Variants in SLC4A5 observed in about 807,000 individuals in gnomAD.
SLC4A5 encodes electrogenic sodium bicarbonate cotransporter 4.
Under a neutral mutation model 120.4 loss-of-function variants are expected in SLC4A5, and 96 were observed. The observed-to-expected ratio is 0.80, with a 90% CI of 0.68 to 0.94. SLC4A5 has a LOEUF of 0.94. SLC4A5 is among the 40% of genes least tolerant of loss of function. The pLI is 0.00. For synonymous variants in SLC4A5, 550 were observed against 571.1 expected, an observed-to-expected ratio of 0.96 and a Z score of 0.53; for missense variants, 1,259 against 1,459.5, an observed-to-expected ratio of 0.86 and a Z score of 2.24.
chr2:74,251,581 T>C (rs2103989837), intron 16 of SLC4A5, among the ~76,000 whole-genome samples: 1 of 152,342 alleles, frequency 6.6e-6, no homozygotes, highest in East Asian at 1.9e-4. Flanking sequence ...GTAACACCTA[T>C]GCAAATGTAA....
chr2:74,305,593 G>A (rs1192016798), intron 6 of SLC4A5, among the ~76,000 whole-genome samples: 2 of 151,866 alleles, frequency 1.3e-5, no homozygotes, highest in African/African-American at 4.8e-5. Context: ...TACTTCTATG[G>A]GTTTTGACAA....
chr2:74,238,121 A>T (rs977933449), intron 21 of SLC4A5, among the ~76,000 whole-genome samples: 1 of 152,020 alleles, frequency 6.6e-6, no homozygotes, highest in Admixed American at 6.6e-5. Context: ...AATAATAATA[A>T]AATAATAATA....
chr2:74,241,915 G>T, intron 20 of SLC4A5, 79 bp downstream of exon 20: 2 of 1,387,288 alleles, frequency 1.4e-6, no homozygotes, highest in African/African-American at 1.4e-5. Flanking sequence ...CCATAAGTTG[G>T]TCTCATTTCC....
chr2:74,272,081 AAAAG>A (rs1458493958), intron 8 of SLC4A5, among the ~76,000 whole-genome samples: 2 of 152,198 alleles, frequency 1.3e-5, no homozygotes, highest in Admixed American at 1.3e-4. Context: ...CCTATCTCTA[AAAAG>A]AAAGAAAGAG....
At chr2:74,317,631 T>A (rs578174338) in intron 5 of SLC4A5, among the ~76,000 whole-genome samples, 37 of 152,204 alleles carry the variant, frequency 2.4e-4, no homozygotes, top group African/African-American at 7.9e-4. Flanking sequence ...GGACAGAAGA[T>A]CCCTGGACAG....
At chr2:74,329,738 G>A (rs1187706465) in intron 4 of SLC4A5, among the ~76,000 whole-genome samples, 1 of 151,734 alleles carries the variant, frequency 6.6e-6, no homozygotes, top group Non-Finnish European at 1.5e-5. Flanking sequence ...GGTATAGATG[G>A]AGGTTCTGAG....
At chr2:74,274,121 AC>A (rs1671564489) in intron 8 of SLC4A5, among the ~76,000 whole-genome samples, 1 of 152,094 alleles carries the variant, frequency 6.6e-6, no homozygotes, top group Non-Finnish European at 1.5e-5. Context: ...AATCTATCTC[AC>A]GAGGTAGGTC....
rs867870463 is a variant in SLC4A5 at position 74,235,390 on chromosome 2, G to A, written c.2320-176C>T. Among the ~76,000 whole-genome samples, 64 of 152,146 alleles carry A rather than the reference G, an allele frequency of 4.2e-4. 1 individual carries two copies. Among genetic ancestry groups the A allele is most frequent in the Admixed American group, 6.5e-4 (10 of 15,280 alleles). On this transcript the variant is annotated intron_variant, in intron 21 of 30. Coordinates refer to ENST00000394019, the Ensembl canonical transcript of SLC4A5. Reference sequence around the variant, plus strand: ...GCTAACTGTGTGAGCTTGGGGAAGCGTGTCATCTCTCCAAGACTCAATTTC... The same window carrying A: ...GCTAACTGTGTGAGCTTGGGGAAGCATGTCATCTCTCCAAGACTCAATTTC...
At chr2:74,318,852 G>A (rs1488711679) in intron 5 of SLC4A5, among the ~76,000 whole-genome samples, 1 of 152,072 alleles carries the variant, frequency 6.6e-6, no homozygotes, top group Non-Finnish European at 1.5e-5. Flanking sequence ...CCCACTGCTG[G>A]TATATGCCCA....
intron 22 of SLC4A5, 135 bp from the exon 23 acceptor site, chr2:74,233,698 C>A (rs1670175093): frequency 2.0e-6 from 2 of 1,019,718 alleles, no homozygotes; most frequent in African/African-American, 3.3e-5. Flanking sequence ...TTCCCTTAAA[C>A]ACCTTAGGTA....
chr2:74,247,361 T>C (rs961435699), intron 18 of SLC4A5, 54 bp from the exon 19 acceptor site: 13 of 1,570,856 alleles, frequency 8.3e-6, no homozygotes, highest in Non-Finnish European at 1.0e-5. Context: ...CTGGCTGTGC[T>C]TGACTCCTCA....
At chr2:74,314,562 C>A (rs548658775) in intron 6 of SLC4A5, among the ~76,000 whole-genome samples, 12 of 152,306 alleles carry the variant, frequency 7.9e-5, no homozygotes, top group Non-Finnish European at 8.8e-5. Context: ...TCTGGAGCAA[C>A]AGAAATACCT....
At chr2:74,297,711 G>C (rs1166729735) in intron 7 of SLC4A5, among the ~76,000 whole-genome samples, 1 of 152,142 alleles carries the variant, frequency 6.6e-6, no homozygotes, top group Non-Finnish European at 1.5e-5. Context: ...ACCACAGCTT[G>C]ATGATTCTAT....
intron 7 of SLC4A5, among the ~76,000 whole-genome samples, chr2:74,288,098 G>T (rs557214559): frequency 6.6e-6 from 1 of 152,128 alleles, no homozygotes. Flanking sequence ...GCCTCGCAGA[G>T]TATGAAATTT....
Position 74,224,843 on chromosome 2 carries a change from C to T in SLC4A5, c.3243G>A (p.Glu1081=), listed in dbSNP as rs967240951. 3.1e-6 allele frequency: 5 copies of T among 1,609,680 alleles called. No individual in the cohort carries two copies. The African/African-American group carries it at 6.7e-5, about 22-fold the overall frequency. ...CCCGGCCTCACATCTTCCCCACCTC[C>T]TCATCACAGTCCTCGTGGGCCCCTT... Residue 1081 remains glutamate, a synonymous_variant, in exon 28 of 31, where the codon GAG becomes GAA. Transcript: ENST00000394019.
At chr2:74,292,113 G>A (rs13410928) in intron 7 of SLC4A5, among the ~76,000 whole-genome samples, 4 of 152,184 alleles carry the variant, frequency 2.6e-5, no homozygotes, top group South Asian at 2.1e-4. Context: ...TAATAATCAC[G>A]CCCCCCTCAC....
At chr2:74,221,348 G>T in intron 30 of SLC4A5, 86 bp downstream of exon 30, 2 of 1,023,526 alleles carry the variant, frequency 2.0e-6, no homozygotes, top group Non-Finnish European at 2.9e-6. Context: ...AGGACAGCTA[G>T]CTTGGGAAAT....
chr2:74,263,861 T>A (rs959971496), intron 10 of SLC4A5, among the ~76,000 whole-genome samples: 3 of 152,162 alleles, frequency 2.0e-5, no homozygotes, highest in African/African-American at 7.2e-5. Context: ...CTCTCCAAGG[T>A]GGGGCCCAGG....
chr2:74,255,691 T>C lies in SLC4A5; in HGVS notation c.1025+84A>G. The C allele has an allele frequency of 6.6e-7, 1 of 1,518,748 alleles. No individual in the cohort carries two copies. The highest frequency in any genetic ancestry group is 9.0e-7 in the Non-Finnish European group (1 of 1,110,228). 94.1% of individuals were successfully genotyped at this position (1,518,748 alleles called of 1,614,324 possible). Reference sequence around the variant, plus strand: ...CGTTTAGAGGTGCCTTTGAGAACACTAACAGTCAACAGCACTGCTTGCTGA... The same window carrying C: ...CGTTTAGAGGTGCCTTTGAGAACACCAACAGTCAACAGCACTGCTTGCTGA... On this transcript the variant is annotated intron_variant, in intron 13 of 30. Coordinates refer to ENST00000394019, the Ensembl canonical transcript of SLC4A5. This position sits in a 1 kb window ranked among gnomAD's most constrained non-coding sequence, Gnocchi z 4.0.
Sources: gnomAD v4.1 joint callset for allele counts (sites outside exome capture counted in the v4.1 genomes callset) on GRCh38, gnomAD v4.1.1 for gene constraint, Gnocchi (gnomAD v3.1) non-coding constraint, MANE v1.5 for transcripts, NCBI Gene and HGNC (gene_info 2026-07-23, HGNC 2026-07-21) for gene names.